Variants in ERC1 observed in about 807,000 individuals in gnomAD.
ERC1 encodes ELKS/RAB6-interacting/CAST family member 1.
ERC1 carries 56 observed loss-of-function variants against 132.0 expected under a neutral mutation model. That is an observed-to-expected ratio of 0.42 (90% CI 0.34 to 0.53). The LOEUF (loss-of-function observed/expected upper bound fraction) is 0.53, where lower values mean the gene tolerates loss of function less well. ERC1 is among the 20% of genes least tolerant of loss of function. The pLI is 0.03. For synonymous variants in ERC1, 478 were observed against 476.1 expected (o/e 1.00, Z -0.05); for missense variants, 1,202 against 1,349.9 (o/e 0.89, Z 1.72).
chr12:1,368,584 C>T (rs985209759), intron 15 of ERC1, among the ~76,000 whole-genome samples: 2 of 152,088 alleles, frequency 1.3e-5, no homozygotes, highest in Admixed American at 1.3e-4. Flanking sequence ...ATGGTCCTTT[C>T]TAAGAGATGG....
intron 12 of ERC1, among the ~76,000 whole-genome samples, chr12:1,220,214 T>C (rs1435583691): frequency 6.6e-6 from 1 of 152,250 alleles, no homozygotes; most frequent in Non-Finnish European, 1.5e-5. Flanking sequence ...TTGCTTGTTT[T>C]AATTTTTTTC....
At chr12:1,418,841 T>C (rs547392731) in intron 17 of ERC1, among the ~76,000 whole-genome samples, 20 of 151,792 alleles carry the variant, frequency 1.3e-4, no homozygotes, top group African/African-American at 4.8e-4. Flanking sequence ...GACACCTGAG[T>C]AGCAGGGACT....
chr12:1,168,479 CTTTTTT>C (rs746267742), intron 8 of ERC1, among the ~76,000 whole-genome samples: 1 of 91,982 alleles, frequency 1.1e-5, no homozygotes, highest in Non-Finnish European at 2.3e-5. Context: ...AGTGACTGGT[CTTTTTT>C]TTTTTTTTTT....
intron 16 of ERC1, among the ~76,000 whole-genome samples, chr12:1,399,876 A>C (rs2090871664): frequency 6.6e-6 from 1 of 152,210 alleles, no homozygotes; most frequent in Non-Finnish European, 1.5e-5. Flanking sequence ...GCATGGAAAC[A>C]CGTTTTCAGT....
At chr12:1,403,324 T>G (rs1361177088) in intron 16 of ERC1, among the ~76,000 whole-genome samples, 1 of 152,228 alleles carries the variant, frequency 6.6e-6, no homozygotes, top group Admixed American at 6.5e-5. Context: ...CATTTGGATA[T>G]AAAATATCTT....
At chr12:1,202,790 T>C (rs1190853791) in intron 12 of ERC1, among the ~76,000 whole-genome samples, 5 of 152,234 alleles carry the variant, frequency 3.3e-5, no homozygotes, top group Non-Finnish European at 7.3e-5. Flanking sequence ...CCCATGGATT[T>C]ACCCGTGTGT....
chr12:1,183,435 T>A lies in ERC1; in HGVS notation c.2157+14T>A. ...CAATTGAAAAAGGTTAAAGAAAAAA[T>A]TTCACATTTTTTTGCTTTGCCTTAA... On this transcript the variant is annotated intron_variant, in intron 11 of 18. Coordinates refer to ENST00000360905, the MANE Select transcript of ERC1 (RefSeq NM_178040.4). 4 of 1,546,642 alleles carry A rather than the reference T, an allele frequency of 2.6e-6. No homozygotes were observed. The highest frequency in any genetic ancestry group is 3.5e-6 in the Non-Finnish European group (4 of 1,134,898).
At chr12:1,371,511 G>A (rs1469779409) in intron 15 of ERC1, among the ~76,000 whole-genome samples, 1 of 151,720 alleles carries the variant, frequency 6.6e-6, no homozygotes. Context: ...TCAAAGAATT[G>A]TTGGAAGGGG....
chr12:1,167,993 C>T (rs1328844194), intron 8 of ERC1, among the ~76,000 whole-genome samples: 4 of 152,038 alleles, frequency 2.6e-5, no homozygotes, highest in African/African-American at 7.2e-5. Context: ...GGATTGCAGG[C>T]GTGAGTCACC....
chr12:1,259,264 C>A (rs2076995184), intron 13 of ERC1, among the ~76,000 whole-genome samples: 1 of 151,868 alleles, frequency 6.6e-6, no homozygotes, highest in Non-Finnish European at 1.5e-5. Context: ...AAATGACATT[C>A]TTATATTATT....
chr12:1,018,415 A>C (rs1406002490), intron 1 of ERC1, among the ~76,000 whole-genome samples: 2 of 152,268 alleles, frequency 1.3e-5, no homozygotes, highest in African/African-American at 4.8e-5. Context: ...GGGTTTCGCC[A>C]TGTTGGCCAG....
At chr12:1,255,401 A>G (rs568178429) in intron 13 of ERC1, among the ~76,000 whole-genome samples, 2 of 152,290 alleles carry the variant, frequency 1.3e-5, no homozygotes, top group South Asian at 4.1e-4. Flanking sequence ...TGCCACAATA[A>G]ACATTCGTGT....
chr12:1,064,062 C>A (rs963202269), intron 2 of ERC1, among the ~76,000 whole-genome samples: 1 of 152,080 alleles, frequency 6.6e-6, no homozygotes, highest in Non-Finnish European at 1.5e-5. Flanking sequence ...GTATTCTTGG[C>A]TAACAATTTT....
intron 17 of ERC1, among the ~76,000 whole-genome samples, chr12:1,410,903 A>T (rs932693676): frequency 6.6e-6 from 1 of 151,028 alleles, no homozygotes; most frequent in Non-Finnish European, 1.5e-5. Flanking sequence ...TTATAAATAC[A>T]TGGTGTTTAA....
intron 1 of ERC1, among the ~76,000 whole-genome samples, chr12:998,853 CTTT>C (rs527367596): frequency 5.0e-4 from 51 of 102,472 alleles, no homozygotes; most frequent in African/African-American, 1.7e-3. Flanking sequence ...TTCTCTGTCA[CTTT>C]TTTTTTTTTT....
intron 17 of ERC1, among the ~76,000 whole-genome samples, chr12:1,431,167 A>G (rs2092787242): frequency 6.6e-6 from 1 of 152,236 alleles, no homozygotes; most frequent in Non-Finnish European, 1.5e-5. Context: ...CTGAGAACTT[A>G]GCTGCTGGTC....
chr12:1,276,436 C>T (rs538523691), intron 14 of ERC1, among the ~76,000 whole-genome samples: 186 of 152,000 alleles, frequency 1.2e-3, no homozygotes, highest in African/African-American at 4.2e-3. Flanking sequence ...GACGGGGTTT[C>T]GCTATGTTGA....
intron 14 of ERC1, among the ~76,000 whole-genome samples, chr12:1,264,359 G>A (rs2077339053): frequency 6.6e-6 from 1 of 152,138 alleles, no homozygotes; most frequent in Admixed American, 6.5e-5. Flanking sequence ...TTATGAGAAT[G>A]TGATTTAAGA....
At chr12:1,093,920 T>C in intron 3 of ERC1, among the ~76,000 whole-genome samples, 1 of 122,164 alleles carries the variant, frequency 8.2e-6, no homozygotes, top group Non-Finnish European at 1.7e-5. Context: ...TTTCTATATA[T>C]AAATGTATAT....
Sources: allele counts gnomAD v4.1 joint callset (sites outside exome capture counted in the v4.1 genomes callset), GRCh38; gene constraint gnomAD v4.1.1; transcripts MANE v1.5; gene names NCBI Gene and HGNC (gene_info 2026-07-23, HGNC 2026-07-21).